TRPM3: variants seen among roughly 807,000 people sequenced by gnomAD.
TRPM3 encodes the protein long transient receptor potential channel 3.
In TRPM3, 77 loss-of-function variants were observed where a neutral mutation model predicts 181.2. The observed-to-expected ratio is 0.42, with a 90% CI of 0.35 to 0.51. The LOEUF (loss-of-function observed/expected upper bound fraction) is 0.51, where lower values mean the gene tolerates loss of function less well. Ranked by LOEUF, TRPM3 falls within the 20% of genes least tolerant of loss-of-function variation. The pLI is 0.01. For synonymous variants in TRPM3, 745 were observed against 796.4 expected (o/e 0.94, Z 1.09); for missense variants, 1,759 against 2,196.7 (o/e 0.80, Z 3.98).
At chr9:70,933,324 C>T (rs554178569) in intron 1 of TRPM3, among the ~76,000 whole-genome samples, 1 of 152,180 alleles carries the variant, frequency 6.6e-6, no homozygotes, top group South Asian at 2.1e-4. Context: ...ATTACCCAGA[C>T]AGAGAGTAAA....
At chr9:71,167,797 C>A (rs2076611662) in intron 1 of TRPM3, among the ~76,000 whole-genome samples, 2 of 151,788 alleles carry the variant, frequency 1.3e-5, no homozygotes, top group Non-Finnish European at 2.9e-5. Context: ...AATGACAGCA[C>A]AATTTAAAAA....
At chr9:70,547,224 TA>T (rs1285062466) in intron 25 of TRPM3, among the ~76,000 whole-genome samples, 13 of 152,182 alleles carry the variant, frequency 8.5e-5, no homozygotes, top group African/African-American at 3.1e-4. Context: ...CTACACACTG[TA>T]TAGAATATAC....
intron 1 of TRPM3, among the ~76,000 whole-genome samples, chr9:71,211,719 G>A (rs1488464351): frequency 6.6e-6 from 1 of 152,072 alleles, no homozygotes; most frequent in African/African-American, 2.4e-5. Context: ...CCCTATATGT[G>A]TGTCTATGTT....
chr9:71,133,292 C>CTTTTTTCTTTTTTTTTTT (rs2074485283), intron 1 of TRPM3, among the ~76,000 whole-genome samples: 1 of 72,306 alleles, frequency 1.4e-5, no homozygotes, highest in Non-Finnish European at 2.5e-5. Context: ...TAGCAAATTG[C>CTTTTTTCTTTTTTTTTTT]TTTTTTTTTT....
chr9:70,529,265 G>A lies in TRPM3; in HGVS notation c.*6688C>T, dbSNP rs1564147171. On this transcript the variant is annotated 3_prime_UTR_variant, in exon 26 of 26. Coordinates refer to ENST00000677713, the MANE Select transcript of TRPM3 (RefSeq NM_001366145.2). ...TTTATATATATTTATAGTGTCGATA[G>A]ATATGCATACCGTGGTCCATCCATA... 2 of 152,146 alleles carry A rather than the reference G, an allele frequency of 1.3e-5. No homozygotes were observed. The highest frequency in any genetic ancestry group is 2.9e-5 in the Non-Finnish European group (2 of 68,028). 9.4% of individuals were successfully genotyped at this position (152,146 alleles called of 1,614,324 possible).
chr9:70,803,048 A>C (rs992584568), intron 6 of TRPM3, among the ~76,000 whole-genome samples: 6 of 146,810 alleles, frequency 4.1e-5, no homozygotes, highest in Non-Finnish European at 7.5e-5. Context: ...AAAAAAAAAA[A>C]AAAAAAAAAA....
At chr9:71,424,319 A>C (rs906474520) in intron 1 of TRPM3, among the ~76,000 whole-genome samples, 1 of 152,084 alleles carries the variant, frequency 6.6e-6, no homozygotes, top group Non-Finnish European at 1.5e-5. Flanking sequence ...ACCAACTTTT[A>C]AAAACAGATT....
At chr9:71,251,752 T>C (rs1027936227) in intron 1 of TRPM3, among the ~76,000 whole-genome samples, 1 of 152,190 alleles carries the variant, frequency 6.6e-6, no homozygotes, top group Non-Finnish European at 1.5e-5. Context: ...AAATATACAA[T>C]TAAATTATTT....
At chr9:71,347,664 C>T (rs1162914775) in intron 1 of TRPM3, among the ~76,000 whole-genome samples, 1 of 152,072 alleles carries the variant, frequency 6.6e-6, no homozygotes, top group Non-Finnish European at 1.5e-5. Flanking sequence ...GCCTGTAACT[C>T]CAGAACTTTG....
At chr9:71,428,248 T>C (rs888998323) in intron 1 of TRPM3, among the ~76,000 whole-genome samples, 4 of 150,102 alleles carry the variant, frequency 2.7e-5, no homozygotes, top group Non-Finnish European at 5.9e-5. Flanking sequence ...CCCGCCACCA[T>C]GCCCGGCTTT....
intron 1 of TRPM3, among the ~76,000 whole-genome samples, chr9:70,970,897 C>T (rs78194671): frequency 1.3e-5 from 2 of 152,034 alleles, no homozygotes; most frequent in Non-Finnish European, 2.9e-5. Context: ...AGATACAGGT[C>T]CATGATATGA....
intron 1 of TRPM3, among the ~76,000 whole-genome samples, chr9:71,030,645 A>G (rs920068765): frequency 3.9e-5 from 6 of 152,068 alleles, no homozygotes; most frequent in African/African-American, 1.4e-4. Context: ...ACATTTTAAG[A>G]ATATAAAATA....
chr9:70,990,015 A>T (rs3124516), intron 1 of TRPM3, among the ~76,000 whole-genome samples: 4 of 152,056 alleles, frequency 2.6e-5, no homozygotes, highest in Non-Finnish European at 2.9e-5. Flanking sequence ...AGGTACTGTA[A>T]ATTCTAAACT....
At chr9:70,572,354 C>G (rs986927296) in intron 22 of TRPM3, among the ~76,000 whole-genome samples, 1 of 152,144 alleles carries the variant, frequency 6.6e-6, no homozygotes, top group South Asian at 2.1e-4. Flanking sequence ...AAATAACCAC[C>G]TATATTTGCC....
At chr9:71,217,033 C>T (rs4745071) in intron 1 of TRPM3, among the ~76,000 whole-genome samples, 58,820 of 143,998 alleles carry the variant, frequency 0.41, 12,685 homozygotes, top group East Asian at 0.52. Context: ...TCACTGCAAG[C>T]TCCGCCTCCC....
intron 1 of TRPM3, among the ~76,000 whole-genome samples, chr9:71,061,882 T>C (rs777382583): frequency 5.9e-5 from 9 of 152,002 alleles, no homozygotes; most frequent in Non-Finnish European, 1.0e-4. Flanking sequence ...GTCTTCCTAG[T>C]GCATCTCTGG....
At chr9:71,323,450 G>A (rs1280711170) in intron 1 of TRPM3, among the ~76,000 whole-genome samples, 1 of 152,012 alleles carries the variant, frequency 6.6e-6, no homozygotes, top group Non-Finnish European at 1.5e-5. Context: ...TGTTTCAAAT[G>A]AGAAAATTGA....
At chr9:71,421,010 A>AGG (rs2093761947) in intron 1 of TRPM3, among the ~76,000 whole-genome samples, 2 of 122,522 alleles carry the variant, frequency 1.6e-5, no homozygotes, top group Non-Finnish European at 3.7e-5. Flanking sequence ...AGAGAGAAAA[A>AGG]GAGAGAAAAA....
At chr9:70,555,691 C>T (rs1242754590) in intron 22 of TRPM3, among the ~76,000 whole-genome samples, 1 of 152,170 alleles carries the variant, frequency 6.6e-6, no homozygotes, top group Non-Finnish European at 1.5e-5. Flanking sequence ...TCTCTGCTAC[C>T]CACTTGGCCA....
Sources: gnomAD v4.1 joint callset for allele counts (sites outside exome capture counted in the v4.1 genomes callset) on GRCh38, gnomAD v4.1.1 for gene constraint, MANE v1.5 for transcripts, NCBI Gene and HGNC (gene_info 2026-07-23, HGNC 2026-07-21) for gene names.